The following ERMARD variants were observed in gnomAD, a reference collection of about 807,000 sequenced individuals.
ERMARD encodes endoplasmic reticulum membrane-associated RNA degradation protein.
ERMARD carries 71 observed loss-of-function variants against 83.9 expected under a neutral mutation model. That is an observed-to-expected ratio of 0.85 (90% CI 0.70 to 1.03). ERMARD has a LOEUF of 1.03. ERMARD is among the 50% of genes least tolerant of loss of function. ERMARD has a pLI of 0.00. For synonymous variants in ERMARD, 284 were observed against 298.6 expected, an observed-to-expected ratio of 0.95 and a Z score of 0.50; for missense variants, 838 against 810.9, an observed-to-expected ratio of 1.03 and a Z score of -0.41.
intron 1 of ERMARD, 107 bp from the exon 2 acceptor site, chr6:169,753,757 G>T (rs1035761749): frequency 1.7e-5 from 12 of 725,010 alleles, no homozygotes; most frequent in Non-Finnish European, 2.2e-5. Context: ...CATGTTAACA[G>T]CAACTATACC....
At chr6:169,778,864 C>T (rs886849459) in intron 16 of ERMARD, among the ~76,000 whole-genome samples, 5 of 152,354 alleles carry the variant, frequency 3.3e-5, no homozygotes, top group Non-Finnish European at 5.9e-5. Context: ...GGCTGCTGGG[C>T]GCAGACTGTA....
chr6:169,773,237 ACTCTAAGTGGCCTACAGTT>A, intron 12 of ERMARD, 63 bp from the exon 13 acceptor site: 1 of 1,042,338 alleles, frequency 9.6e-7, no homozygotes, highest in Non-Finnish European at 1.4e-6. Flanking sequence ...AGAAATGGGG[ACTCTAAGTGGCCTACAGTT>A]CAATAGAAGA....
At chr6:169,758,257 A>G (rs1791065334) in intron 5 of ERMARD, among the ~76,000 whole-genome samples, 1 of 152,184 alleles carries the variant, frequency 6.6e-6, no homozygotes, top group South Asian at 2.1e-4. Flanking sequence ...ACTTTCTCCT[A>G]TGACATGAAT....
intron 8 of ERMARD, among the ~76,000 whole-genome samples, chr6:169,762,180 G>A (rs892081990): frequency 6.6e-5 from 10 of 152,204 alleles, no homozygotes; most frequent in Admixed American, 6.5e-4. Context: ...TGAACTCCTG[G>A]GTTCAAGCAA....
At chr6:169,751,344 CCTT>C (rs1790047160), upstream of ERMARD, 1 of 1,613,878 alleles carries the variant, frequency 6.2e-7, no homozygotes, top group African/African-American at 1.3e-5. Context: ...CTCACTGCCT[CCTT>C]CTCGAACATG....
chr6:169,774,953 C>G (rs1240902452), intron 13 of ERMARD, among the ~76,000 whole-genome samples: 1 of 152,196 alleles, frequency 6.6e-6, no homozygotes, highest in Non-Finnish European at 1.5e-5. Context: ...CTGCTGTGTT[C>G]TGTTGGTTCC....
chr6:169,761,162 C>T (rs573556266), intron 8 of ERMARD, among the ~76,000 whole-genome samples: 5 of 152,134 alleles, frequency 3.3e-5, no homozygotes, highest in African/African-American at 1.2e-4. Context: ...AGGATATTAC[C>T]CTAATTCATT....
chr6:169,768,057 A>G (rs1792439389), intron 10 of ERMARD, 46 bp from the exon 11 acceptor site: 2 of 1,486,640 alleles, frequency 1.3e-6, no homozygotes, highest in East Asian at 2.3e-5. Context: ...CTGTATGTTT[A>G]TGTATGGGGA....
At chr6:169,756,079 G>C (rs1160905456) in intron 3 of ERMARD, among the ~76,000 whole-genome samples, 2 of 152,162 alleles carry the variant, frequency 1.3e-5, no homozygotes, top group African/African-American at 4.8e-5. Context: ...CAAAATGCTT[G>C]ACTTTTCCAC....
chr6:169,769,637 C>A lies in ERMARD; in HGVS notation c.1157C>A (p.Thr386Lys), dbSNP rs1792655761. Residue 386 changes from threonine (T) to lysine (K), a missense_variant, in exon 12 of 18, where the codon ACA becomes AAA. Coordinates refer to ENST00000366773, the MANE Select transcript of ERMARD (RefSeq NM_018341.3). ...AACTTACATGAATTTTCAAAAGAAA[C>A]AACTAATCAGTTGCTTGCATTTTCT... The part of the protein sequence containing the change: ...EINLHEFSKE[T>K]TNQLLAFSLV... 6.2e-7 allele frequency: 1 copy of A among 1,612,954 alleles called. No individual in the cohort carries two copies. Among genetic ancestry groups the A allele is most frequent in the Non-Finnish European group, 8.5e-7 (1 of 1,179,526 alleles).
rs568407064 is a variant in ERMARD, at chr6:169,765,152, G to A, written c.961-1486G>A. ...ATGGGGATTGGCTGCACGGTGGCAC[G>A]CACCATCACTGTAGGGCCATGCGGT... On this transcript the variant is annotated intron_variant, in intron 9 of 17. Coordinates refer to ENST00000366773, the MANE Select transcript of ERMARD (RefSeq NM_018341.3). Among the ~76,000 whole-genome samples the A allele has an allele frequency of 2.6e-5, 4 of 152,342 alleles. No individual in the cohort carries two copies. In the East Asian group the frequency reaches 7.7e-4, roughly 29 times the overall value.
upstream of ERMARD, chr6:169,751,503 G>C (rs558334390): frequency 6.2e-7 from 1 of 1,611,162 alleles, no homozygotes; most frequent in African/African-American, 1.3e-5. Flanking sequence ...CTTCACCGCC[G>C]GCGGTCAAAC....
chr6:169,769,774 T>A, intron 12 of ERMARD, 61 bp downstream of exon 12: 1 of 1,415,096 alleles, frequency 7.1e-7, no homozygotes, highest in Non-Finnish European at 9.5e-7. Flanking sequence ...AAAATATAGT[T>A]TATTTTTCAA....
chr6:169,762,271 G>T (rs1396374250), intron 8 of ERMARD, among the ~76,000 whole-genome samples, 158 bp from the exon 9 acceptor site: 1 of 151,972 alleles, frequency 6.6e-6, no homozygotes, highest in Non-Finnish European at 1.5e-5. Context: ...TTTTTGTAGA[G>T]ATGGGGTTTC....
intron 10 of ERMARD, chr6:169,767,374 C>G (rs918414454): frequency 7.2e-5 from 11 of 152,398 alleles, no homozygotes; most frequent in African/African-American, 2.7e-4. Context: ...GCAGCCCAGT[C>G]TCTAGAGGAT....
chr6:169,766,084 T>G (rs1792170664), intron 9 of ERMARD, among the ~76,000 whole-genome samples: 1 of 152,174 alleles, frequency 6.6e-6, no homozygotes, highest in Admixed American at 6.5e-5. Context: ...GAGATAGGCA[T>G]TCTTAACTTC....
intron 14 of ERMARD, 151 bp from the exon 15 acceptor site, chr6:169,775,789 A>T: frequency 9.7e-7 from 1 of 1,026,312 alleles, no homozygotes; most frequent in Non-Finnish European, 1.4e-6. Flanking sequence ...TCTCCACTGT[A>T]TTGTCATGGT....
chr6:169,757,054 C>A (rs1585348495), intron 5 of ERMARD, among the ~76,000 whole-genome samples: 1 of 152,284 alleles, frequency 6.6e-6, no homozygotes, highest in Non-Finnish European at 1.5e-5. Context: ...GACTTATTCA[C>A]TATCATGAGA....
Position 169,760,658 on chromosome 6 carries a change from G to T in ERMARD, c.759G>T (p.Val253=). 6.2e-7 allele frequency: 1 copy of T among 1,606,120 alleles called. No homozygotes were observed. The highest frequency in any genetic ancestry group is 8.5e-7 in the Non-Finnish European group (1 of 1,173,206). The part of the protein sequence containing the change: ...LIVFPDVTYE[V]LSVLEEVMMK... ...ATTTTACAGATGTTACTTATGAGGT[G>T]CTTTCAGTATTAGAAGAAGTGATGA... The change falls in exon 8 of 18, where the codon GTG becomes GTT. Residue 253 remains valine (V), a synonymous_variant. Transcript: ENST00000366773.
Sources: allele counts gnomAD v4.1 joint callset (sites outside exome capture counted in the v4.1 genomes callset), GRCh38; gene constraint gnomAD v4.1.1; transcripts MANE v1.5; gene names NCBI Gene and HGNC (gene_info 2026-07-23, HGNC 2026-07-21).